Variants in DNAI7 observed in about 807,000 individuals in gnomAD.
The protein encoded by DNAI7 is cancer susceptibility 1.
Under a neutral mutation model 86.6 loss-of-function variants are expected in DNAI7, and 78 were observed. The ratio of observed to expected loss-of-function variants is 0.90; its 90% confidence interval spans 0.75 to 1.09. The LOEUF (loss-of-function observed/expected upper bound fraction) is 1.09. Ranked by LOEUF, DNAI7 falls within the 50% of genes least tolerant of loss-of-function variation. The pLI is 0.00. For missense variants in DNAI7, 753 were observed against 810.2 expected (o/e 0.93, Z 0.86); for synonymous variants, 274 against 273.0 (o/e 1.00, Z -0.04).
chr12:25,187,650 T>A (rs1345654504), intron 2 of DNAI7, among the ~76,000 whole-genome samples: 1 of 152,002 alleles, frequency 6.6e-6, no homozygotes, highest in Non-Finnish European at 1.5e-5. Context: ...AGGGCCAACA[T>A]AAAAATCATG....
At chr12:25,116,673 T>C (rs990991245) in intron 12 of DNAI7, among the ~76,000 whole-genome samples, 1 of 152,082 alleles carries the variant, frequency 6.6e-6, no homozygotes, top group South Asian at 2.1e-4. Flanking sequence ...CTAATTTTTT[T>C]AAGTAGAGAC....
At chr12:25,143,246 ATTTT>A (rs56888487) in intron 9 of DNAI7, among the ~76,000 whole-genome samples, 195 of 129,834 alleles carry the variant, frequency 1.5e-3, no homozygotes, top group East Asian at 0.012. Flanking sequence ...AGTCTTCATA[ATTTT>A]TTTTTTTTTT....
chr12:25,108,222 T>C (rs1282454205), downstream of DNAI7: 16 of 715,792 alleles, frequency 2.2e-5, no homozygotes, highest in African/African-American at 2.5e-4. Flanking sequence ...TCTCCCCAAC[T>C]AAAATACAAT....
At chr12:25,114,372 A>G (rs1939642714) in intron 13 of DNAI7, among the ~76,000 whole-genome samples, 1 of 152,206 alleles carries the variant, frequency 6.6e-6, no homozygotes, top group African/African-American at 2.4e-5. Context: ...TCTGAAATTC[A>G]TACTGCAATG....
intron 4 of DNAI7, among the ~76,000 whole-genome samples, chr12:25,157,534 T>A (rs543511678): frequency 9.2e-5 from 14 of 152,054 alleles, no homozygotes; most frequent in South Asian, 6.2e-4. Context: ...TCCTTAATTT[T>A]AAAAAAAAGT....
chr12:25,108,210 T>TATCTC (rs1949354044), downstream of DNAI7: 2 of 829,400 alleles, frequency 2.4e-6, no homozygotes. Context: ...TTTTTGCCTT[T>TATCTC]ATCTCCCCAA....
chr12:25,170,542 T>C (rs1282276571), intron 2 of DNAI7, among the ~76,000 whole-genome samples: 2 of 152,106 alleles, frequency 1.3e-5, no homozygotes, highest in African/African-American at 4.8e-5. Flanking sequence ...AGGACTTCAA[T>C]ACTCCATTGA....
rs1462644608 is a variant in DNAI7, at chr12:25,114,669, T to C, written c.1598A>G (p.Gln533Arg). 1.4e-5 allele frequency: 22 copies of C among 1,607,526 alleles called. No homozygotes were observed. The highest frequency in any genetic ancestry group is 1.7e-5 in the Non-Finnish European group (20 of 1,174,240). The change falls in exon 13 of 16, where the codon CAA (glutamine) becomes CGA (arginine). Residue 533 changes from glutamine (Q) to arginine (R), a missense_variant. Physicochemically the swap from Gln to Arg is conservative, Grantham distance 43. Transcript: ENST00000395987. ...LTVTTVFTEI[Q>R]IQIKENLCML... ...AGAGTAACTCACCTTAATTTGTATT[T>C]GAATCTCAGTAAATACTGTAGTCAC... is the stretch of plus-strand genomic sequence containing the variant.
intron 6 of DNAI7, among the ~76,000 whole-genome samples, chr12:25,151,068 A>G (rs1029833155): frequency 6.6e-6 from 1 of 152,352 alleles, no homozygotes; most frequent in East Asian, 1.9e-4. Context: ...AATTTTGAAC[A>G]CTAACACAGA....
At chr12:25,185,143 T>C (rs572109417) in intron 2 of DNAI7, among the ~76,000 whole-genome samples, 1 of 151,890 alleles carries the variant, frequency 6.6e-6, no homozygotes, top group African/African-American at 2.4e-5. Context: ...GTCTCTAAAA[T>C]AAAATAAAAT....
intron 13 of DNAI7, among the ~76,000 whole-genome samples, chr12:25,113,267 T>TTTTTGTTGTTGC (rs1314769748): frequency 3.4e-4 from 45 of 131,736 alleles, no homozygotes; most frequent in East Asian, 5.9e-4. Flanking sequence ...CTCACCTAGT[T>TTTTTGTTGTTGC]TGTTGTTGTT....
chr12:25,194,527 T>C (rs1950856490), intron 1 of DNAI7, among the ~76,000 whole-genome samples: 2 of 152,228 alleles, frequency 1.3e-5, no homozygotes, highest in Admixed American at 1.3e-4. Flanking sequence ...CATGTTGGCC[T>C]GTCTCCTTGC....
At chr12:25,174,496 C>A (rs199734654) in intron 2 of DNAI7, among the ~76,000 whole-genome samples, 2,058 of 2,870 alleles carry the variant, frequency 0.72, 926 homozygotes, top group African/African-American at 0.83. Flanking sequence ...TATCATATAT[C>A]CCATATATAT....
At chr12:25,173,656 G>A (rs898276167) in intron 2 of DNAI7, among the ~76,000 whole-genome samples, 1 of 151,854 alleles carries the variant, frequency 6.6e-6, no homozygotes. Context: ...GCACACACAT[G>A]TTTATAGCAG....
rs1386166953 is a variant in DNAI7 at position 25,122,059 on chromosome 12, A to G, written c.1079-146T>C. On this transcript the variant is annotated intron_variant, in intron 10 of 15. Coordinates refer to ENST00000395987, the MANE Select transcript of DNAI7 (RefSeq NM_018272.5). Reference sequence around the variant, plus strand: ...TTCAAAAAGCAGTTAACTCAAAATGATTCATAGAGCTGACCTTGGAAGTGG... The same window carrying G: ...TTCAAAAAGCAGTTAACTCAAAATGGTTCATAGAGCTGACCTTGGAAGTGG... The G allele has an allele frequency of 7.0e-6, 4 of 572,116 alleles. No individual in the cohort carries two copies. The African/African-American group carries it at 7.8e-5, about 11-fold the overall frequency. 35.4% of individuals were successfully genotyped at this position (572,116 alleles called of 1,614,324 possible). A position where few individuals can be genotyped will look rare whatever the true frequency, so the allele number is the denominator to read the frequency against.
At chr12:25,171,200 A>G (rs140822125) in intron 2 of DNAI7, among the ~76,000 whole-genome samples, 1 of 152,210 alleles carries the variant, frequency 6.6e-6, no homozygotes, top group Non-Finnish European at 1.5e-5. Context: ...TTCTTTGAAA[A>G]GATAAATAAA....
intron 13 of DNAI7, among the ~76,000 whole-genome samples, chr12:25,112,399 GTTT>G (rs10602859): frequency 5.6e-4 from 58 of 104,280 alleles, no homozygotes; most frequent in Non-Finnish European, 6.4e-4. Context: ...TTCACATCTG[GTTT>G]TTTTTTTTTT....
intron 9 of DNAI7, among the ~76,000 whole-genome samples, chr12:25,138,926 T>C (rs1943874795): frequency 6.6e-6 from 1 of 151,498 alleles, no homozygotes; most frequent in Non-Finnish European, 1.5e-5. Flanking sequence ...AATCTGGTTT[T>C]TTGAAAAGAC....
At chr12:25,194,725 T>C (rs1950878525) in intron 1 of DNAI7, among the ~76,000 whole-genome samples, 1 of 152,208 alleles carries the variant, frequency 6.6e-6, no homozygotes, top group African/African-American at 2.4e-5. Context: ...TACTAAAACA[T>C]TTCCGCCAAG....
Sources: allele counts gnomAD v4.1 joint callset (sites outside exome capture counted in the v4.1 genomes callset), GRCh38; gene constraint gnomAD v4.1.1; transcripts MANE v1.5; gene names NCBI Gene and HGNC (gene_info 2026-07-23, HGNC 2026-07-21).